Variants in TFCP2L1 observed in about 807,000 individuals in gnomAD.
The protein encoded by TFCP2L1 is transcription factor CP2-like protein 1.
Under a neutral mutation model 72.2 loss-of-function variants are expected in TFCP2L1, and 12 were observed. The ratio of observed to expected loss-of-function variants is 0.17; its 90% confidence interval spans 0.11 to 0.27. The LOEUF (loss-of-function observed/expected upper bound fraction) is 0.27. Ranked by LOEUF, TFCP2L1 falls within the 10% of genes least tolerant of loss-of-function variation. The pLI, the probability that TFCP2L1 is intolerant of heterozygous loss-of-function variation, is 1.00. For synonymous variants in TFCP2L1, 260 were observed against 251.0 expected (o/e 1.04, Z -0.34); for missense variants, 488 against 624.6 (o/e 0.78, Z 2.33).
chr2:121,255,935 G>A (rs916981749), intron 2 of TFCP2L1, among the ~76,000 whole-genome samples: 1 of 151,944 alleles, frequency 6.6e-6, no homozygotes, highest in South Asian at 2.1e-4. Flanking sequence ...GTAGAGACAG[G>A]GTTTCACCAT....
At chr2:121,228,772 CAAAAAAAAAA>C (rs59300568) in intron 13 of TFCP2L1, among the ~76,000 whole-genome samples, 1 of 58,180 alleles carries the variant, frequency 1.7e-5, no homozygotes, top group Non-Finnish European at 2.8e-5. Flanking sequence ...CCGTGACTCA[CAAAAAAAAAA>C]AAAAAAAAAA....
At position 121,246,642 on chromosome 2, in the gene TFCP2L1, G is replaced by A. The variant is rs906787119; in HGVS notation, c.657+176C>T. Among the ~76,000 whole-genome samples the A allele has an allele frequency of 2.6e-5, 4 of 152,170 alleles. No individual in the cohort carries two copies. The East Asian group carries it at 7.7e-4, about 29-fold the overall frequency. On this transcript the variant is annotated intron_variant, in intron 6 of 14. Coordinates refer to ENST00000263707, the MANE Select transcript of TFCP2L1 (RefSeq NM_014553.3). ...GCCCCCAGCAGGGCAGCAGCAGCCT[G>A]TGGTGCCTGGACTTGAAGCTCGTGT...
At chr2:121,249,492 C>T in intron 3 of TFCP2L1, 79 bp downstream of exon 3, 1 of 1,423,770 alleles carries the variant, frequency 7.0e-7, no homozygotes. Context: ...TACCCGTGCC[C>T]AACCCCAGCA....
chr2:121,225,470 G>A (rs905308573), intron 14 of TFCP2L1, 92 bp downstream of exon 14: 4 of 1,249,512 alleles, frequency 3.2e-6, no homozygotes, highest in South Asian at 1.2e-5. Flanking sequence ...GCTTTTCCCA[G>A]GTCAGCACTC....
Position 121,235,327 on chromosome 2 carries a change from AC to A in TFCP2L1, c.1004-17del. ...AAGTCAGCACCTAGGCAGGAAAAAA[AC>A]GGGGATGCCTGTTACATGGAACCCA... On this transcript the variant is annotated splice_polypyrimidine_tract_variant and intron_variant, in intron 10 of 14. Transcript: ENST00000263707. 2 of 1,613,788 alleles carry A rather than the reference AC, an allele frequency of 1.2e-6. No homozygotes were observed. The highest frequency in any genetic ancestry group is 1.6e-4 in the Middle Eastern group (1 of 6,062).
intron 2 of TFCP2L1, among the ~76,000 whole-genome samples, chr2:121,271,911 G>A (rs1687055462): frequency 6.6e-6 from 1 of 152,130 alleles, no homozygotes; most frequent in Admixed American, 6.5e-5. Flanking sequence ...GGTAGGGTAG[G>A]AGCAACTGAT....
At position 121,237,821 on chromosome 2, in the gene TFCP2L1, G is replaced by C. The variant is rs373318065; in HGVS notation, c.890C>G (p.Ala297Gly). ...ACTTACGTCACTGCCCACGGGCAGGGCCTCCACCGGGTGGGTCGGAGAGGC... is the reference window on the plus strand; with the variant it reads ...ACTTACGTCACTGCCCACGGGCAGGCCCTCCACCGGGTGGGTCGGAGAGGC... ...GNASPTHPVE[A>G]LPVGSDHLLP... Residue 297 changes from alanine (A) to glycine (G), a missense_variant, in exon 9 of 15, where the codon GCC (alanine) becomes GGC (glycine). Transcript: ENST00000263707. The C allele has an allele frequency of 5.6e-6, 9 of 1,613,984 alleles. No individual in the cohort carries two copies. The African/African-American group carries it at 1.2e-4, about 22-fold the overall frequency.
chr2:121,238,797 C>T (rs756097426), intron 8 of TFCP2L1, among the ~76,000 whole-genome samples: 17 of 152,046 alleles, frequency 1.1e-4, no homozygotes, highest in Non-Finnish European at 1.9e-4. Flanking sequence ...AAACATGACA[C>T]CATTTCTGTG....
intron 2 of TFCP2L1, among the ~76,000 whole-genome samples, chr2:121,253,033 G>A (rs946522618): frequency 3.2e-4 from 48 of 152,208 alleles, no homozygotes; most frequent in African/African-American, 1.1e-3. Context: ...GCAACAATTT[G>A]ATGCCAAATG....
At chr2:121,230,082 A>C (rs1397699686) in intron 13 of TFCP2L1, among the ~76,000 whole-genome samples, 1 of 152,120 alleles carries the variant, frequency 6.6e-6, no homozygotes, top group East Asian at 1.9e-4. Flanking sequence ...GAATTCCCAG[A>C]AGGGCTCGGG....
rs1685950072 is a variant in TFCP2L1, at chr2:121,222,730, G to A, written c.*1611C>T. Reference sequence around the variant, plus strand: ...GTTGACTGTAATTCTGTGAATTGATGGTGGTTCTGTGAATACAATTGGACA... The same window carrying A: ...GTTGACTGTAATTCTGTGAATTGATAGTGGTTCTGTGAATACAATTGGACA... On this transcript the variant is annotated 3_prime_UTR_variant, in exon 15 of 15. Transcript: ENST00000263707. 6.6e-6 allele frequency: 1 copy of A among 152,154 alleles called. No homozygotes were observed. The highest frequency in any genetic ancestry group is 1.5e-5 in the Non-Finnish European group (1 of 68,024). 9.4% of individuals were successfully genotyped at this position (152,154 alleles called of 1,614,324 possible). A position where few individuals can be genotyped will look rare whatever the true frequency, so the allele number is the denominator to read the frequency against.
intron 2 of TFCP2L1, among the ~76,000 whole-genome samples, chr2:121,255,270 G>A (rs1013157981): frequency 2.6e-5 from 4 of 152,154 alleles, no homozygotes; most frequent in African/African-American, 9.7e-5. Context: ...TAAGGCTTCT[G>A]TTTGTTTCCT....
intron 2 of TFCP2L1, among the ~76,000 whole-genome samples, chr2:121,265,649 A>G (rs1686914795): frequency 6.6e-6 from 1 of 151,926 alleles, no homozygotes. Context: ...ACGCCTGGCT[A>G]ATTTTTGTAT....
At chr2:121,254,634 C>T (rs1686678568) in intron 2 of TFCP2L1, among the ~76,000 whole-genome samples, 1 of 152,092 alleles carries the variant, frequency 6.6e-6, no homozygotes, top group Admixed American at 6.5e-5. Flanking sequence ...CCTGTCTCTA[C>T]TAAAAACACA....
chr2:121,258,742 C>A (rs1464360244), intron 2 of TFCP2L1, among the ~76,000 whole-genome samples: 2 of 152,160 alleles, frequency 1.3e-5, no homozygotes, highest in African/African-American at 2.4e-5. Context: ...AGGAGTGGGA[C>A]AACTGAACAC....
At chr2:121,228,823 A>G (rs1686085109) in intron 13 of TFCP2L1, among the ~76,000 whole-genome samples, 1 of 150,970 alleles carries the variant, frequency 6.6e-6, no homozygotes, top group Non-Finnish European at 1.5e-5. Context: ...ATGTAATAAT[A>G]TAAACGTAAT....
chr2:121,254,005 C>T (rs556011347), intron 2 of TFCP2L1, among the ~76,000 whole-genome samples: 7 of 152,294 alleles, frequency 4.6e-5, no homozygotes, highest in African/African-American at 1.2e-4. Context: ...GGCTGACGAG[C>T]GAGGTCACAC....
At chr2:121,250,382 A>G (rs1017005459) in intron 2 of TFCP2L1, among the ~76,000 whole-genome samples, 1 of 150,306 alleles carries the variant, frequency 6.7e-6, no homozygotes, top group Non-Finnish European at 1.5e-5. Context: ...ACACATACAT[A>G]TATGTATGTG....
intron 2 of TFCP2L1, among the ~76,000 whole-genome samples, chr2:121,255,574 G>C (rs904787162): frequency 3.9e-5 from 6 of 152,182 alleles, no homozygotes; most frequent in Admixed American, 3.9e-4. Flanking sequence ...GAGAGGTGAA[G>C]TGTCCTGTTA....
Sources: gnomAD v4.1 joint callset for allele counts (sites outside exome capture counted in the v4.1 genomes callset) on GRCh38, gnomAD v4.1.1 for gene constraint, MANE v1.5 for transcripts, NCBI Gene and HGNC (gene_info 2026-07-23, HGNC 2026-07-21) for gene names.